Variants in ULK2 observed in about 807,000 individuals in gnomAD.
The protein encoded by ULK2 is unc-51 like autophagy activating kinase 2.
A neutral mutation model predicts 127.5 loss-of-function variants in ULK2; 76 were observed. The ratio of observed to expected loss-of-function variants is 0.60; its 90% CI spans 0.50 to 0.72. ULK2 has a LOEUF of 0.72. Ranked by LOEUF, ULK2 falls within the 30% of genes least tolerant of loss-of-function variation. The probability of loss-of-function intolerance (pLI) is 0.00; values close to 1 mark genes in which losing one functional copy is unlikely to be tolerated. For missense variants in ULK2, 1,144 were observed against 1,295.9 expected (o/e 0.88, Z 1.80); for synonymous variants, 452 against 461.9 (o/e 0.98, Z 0.28).
intron 22 of ULK2, among the ~76,000 whole-genome samples, chr17:19,782,737 G>A (rs886922536): frequency 4.6e-5 from 7 of 152,128 alleles, no homozygotes; most frequent in Admixed American, 1.3e-4. Context: ...CCAACATGGC[G>A]AAATCCCGTC....
At chr17:19,810,890 T>C (rs929289542) in intron 13 of ULK2, 8 of 152,866 alleles carry the variant, frequency 5.2e-5, no homozygotes, top group African/African-American at 1.9e-4. Context: ...AAACTCTAGT[T>C]CCGTAAAATG....
At chr17:19,814,438 A>ATT (rs1187090319) in intron 13 of ULK2, among the ~76,000 whole-genome samples, 3 of 23,334 alleles carry the variant, frequency 1.3e-4, no homozygotes, top group East Asian at 7.2e-4. Context: ...ATATATATAT[A>ATT]TTTTTTTTTT....
chr17:19,808,091 AG>A (rs2087552611), intron 14 of ULK2, among the ~76,000 whole-genome samples: 1 of 152,118 alleles, frequency 6.6e-6, no homozygotes, highest in Non-Finnish European at 1.5e-5. Flanking sequence ...GGGCAACAAG[AG>A]CGAAACTCCA....
chr17:19,781,777 C>T (rs2086923535), intron 23 of ULK2, 112 bp downstream of exon 23: 2 of 1,257,028 alleles, frequency 1.6e-6, no homozygotes, highest in Admixed American at 5.4e-5. Flanking sequence ...ATTGAGACTC[C>T]TAGCTTTTAA....
In ULK2 at chr17:19,866,914, C is replaced by T. The variant is rs181477493; in HGVS notation, c.90+414G>A. 2.0e-5 allele frequency among the ~76,000 whole-genome samples: 3 copies of T among 152,154 alleles called. No individual in the cohort carries two copies. In the East Asian group the frequency reaches 5.8e-4, roughly 29 times the overall value. On this transcript the variant is annotated intron_variant, in intron 1 of 26. Transcript: ENST00000395544. ...GCCTGAGGCTAATGGGACATCCGCCCATTTTCCGCTGGGTCTGTAATTATC... is the reference window on the plus strand; with the variant it reads ...GCCTGAGGCTAATGGGACATCCGCCTATTTTCCGCTGGGTCTGTAATTATC...
chr17:19,856,410 A>G (rs281329), intron 3 of ULK2, among the ~76,000 whole-genome samples: 16,015 of 147,726 alleles, frequency 0.11, 1,577 homozygotes, highest in East Asian at 0.4. Context: ...GTGAAACCCC[A>G]TCTCTACTAA....
At chr17:19,844,036 T>C (rs1416741266) in intron 7 of ULK2, among the ~76,000 whole-genome samples, 1 of 152,166 alleles carries the variant, frequency 6.6e-6, no homozygotes, top group African/African-American at 2.4e-5. Flanking sequence ...GGTGGGTACA[T>C]AGGTGTTTGC....
chr17:19,832,426 C>T (rs549162734), intron 10 of ULK2, among the ~76,000 whole-genome samples: 21 of 152,116 alleles, frequency 1.4e-4, no homozygotes, highest in African/African-American at 4.8e-4. Context: ...CACCACAACA[C>T]CAGCTAATTT....
At chr17:19,851,721 A>C (rs2042020078) in intron 3 of ULK2, among the ~76,000 whole-genome samples, 1 of 151,948 alleles carries the variant, frequency 6.6e-6, no homozygotes, top group African/African-American at 2.4e-5. Flanking sequence ...GGAAATAGAG[A>C]GGTATAAGAA....
In ULK2 at chr17:19,840,119, C is replaced by CAGAACG. The variant is rs1325650336; in HGVS notation, c.704+1369_704+1370insCGTTCT. 1.6e-4 allele frequency: 60 copies of CAGAACG among 377,750 alleles called. No individual in the cohort carries two copies. The East Asian group carries it at 4.6e-3, about 29-fold the overall frequency. 23.4% of individuals were successfully genotyped at this position (377,750 alleles called of 1,614,324 possible). A position where few individuals can be genotyped will look rare whatever the true frequency, so the allele number is the denominator to read the frequency against. The stretch of plus-strand genomic sequence containing the variant: ...TGGCAGGTGCAGTTGAGCTCTGGGT[C>CAGAACG]ACCAAGATGTCGTTCCCAAAGTATA... On this transcript the variant is annotated intron_variant, in intron 9 of 26. Transcript: ENST00000395544.
chr17:19,853,256 C>A lies in ULK2; in HGVS notation c.226-3482G>T, dbSNP rs138618862. On this transcript the variant is annotated intron_variant, in intron 3 of 26. Transcript: ENST00000395544. ...TTCAAGCGAGTCTCCTGCCTCAGCACCCCCGAGTAGCTAGGACCACAGGTG... is the reference window on the plus strand; with the variant it reads ...TTCAAGCGAGTCTCCTGCCTCAGCAACCCCGAGTAGCTAGGACCACAGGTG... 7.3e-3 allele frequency among the ~76,000 whole-genome samples: 1,108 copies of A among 150,786 alleles called. 4 individuals carry two copies. The highest frequency in any genetic ancestry group is 0.014 in the Middle Eastern group (4 of 292).
At chr17:19,793,256 C>T (rs1312402042) in intron 20 of ULK2, among the ~76,000 whole-genome samples, 2 of 152,020 alleles carry the variant, frequency 1.3e-5, no homozygotes, top group South Asian at 2.1e-4. Flanking sequence ...GAAACTGCCC[C>T]CATGATTCAA....
chr17:19,791,327 A>C (rs1567679377), intron 20 of ULK2, among the ~76,000 whole-genome samples: 1 of 152,206 alleles, frequency 6.6e-6, no homozygotes, highest in Non-Finnish European at 1.5e-5. Context: ...AGGCGGGCAG[A>C]TCACTTGAGG....
rs981484750 is a variant in ULK2 at position 19,801,706 on chromosome 17, G to T, written c.1441+71C>A. 3.6e-5 allele frequency: 57 copies of T among 1,595,618 alleles called. No individual in the cohort carries two copies. The African/African-American group carries it at 7.2e-4, about 20-fold the overall frequency. On this transcript the variant is annotated intron_variant, in intron 16 of 26. Transcript: ENST00000395544. The stretch of plus-strand genomic sequence containing the variant: ...GCCATCATGAGCCGAAGTTCCTAAA[G>T]AAAATGTGTCATGTCAGATTTATTA...
At position 19,814,411 on chromosome 17, in the gene ULK2, C is replaced by CATATAT. The variant is rs35552728; in HGVS notation, c.1096+2332_1096+2337dup. ...ACACAAGAATGTCTGTTATTATATA[C>CATATAT]ATATATATATATATATATATATATA... On this transcript the variant is annotated intron_variant, in intron 13 of 26. Coordinates refer to ENST00000395544, the MANE Select transcript of ULK2 (RefSeq NM_014683.4). Among the ~76,000 whole-genome samples, 20 of 36,530 alleles carry CATATAT rather than the reference C, an allele frequency of 5.5e-4. 1 individual carries two copies. The East Asian group carries it at 0.011, about 20-fold the overall frequency. The allele number at this position is 36,530 out of a possible 152,430, so 24.0% of individuals were successfully genotyped here. A position where few individuals can be genotyped will look rare whatever the true frequency, so the allele number is the denominator to read the frequency against.
chr17:19,856,541 C>CA (rs2042130694), intron 3 of ULK2, among the ~76,000 whole-genome samples: 1 of 151,544 alleles, frequency 6.6e-6, no homozygotes, highest in South Asian at 2.1e-4. Flanking sequence ...GAGATCGCGC[C>CA]ACTGCACTCT....
chr17:19,817,458 T>C (rs1306880335), intron 12 of ULK2, among the ~76,000 whole-genome samples: 1 of 152,216 alleles, frequency 6.6e-6, no homozygotes, highest in Non-Finnish European at 1.5e-5. Context: ...TATTTATAGA[T>C]TTGGAAAACC....
At position 19,781,103 on chromosome 17, in the gene ULK2, G is replaced by A. The variant is rs370639033; in HGVS notation, c.2641C>T (p.Arg881Trp). 8.1e-6 allele frequency: 13 copies of A among 1,613,238 alleles called. No homozygotes were observed. Among genetic ancestry groups the A allele is most frequent in the Middle Eastern group, 1.7e-4 (1 of 6,040 alleles). ...QISQLSKDWGRVEQLVLYMKA... is the reference protein window; with the variant it reads ...QISQLSKDWGWVEQLVLYMKA... ...ATGTACAACACCAGCTGCTCCACCC[G>A]CCTGCACCCAAAAGACAGTAGCAGA... The change falls in exon 24 of 27, where the codon CGG becomes TGG. Residue 881 changes from arginine (R) to tryptophan (W), a missense_variant and splice_region_variant. Arg to Trp is a moderately radical substitution (Grantham distance 101, BLOSUM62 -3). This residue lies in a region of ULK2 where 913 missense variants were observed against 970.5 expected (regional missense o/e 0.94). Coordinates refer to ENST00000395544, the MANE Select transcript of ULK2 (RefSeq NM_014683.4).
intron 26 of ULK2, 152 bp from the exon 27 acceptor site, chr17:19,776,559 CA>C: frequency 1.4e-6 from 1 of 735,202 alleles, no homozygotes; most frequent in Non-Finnish European, 2.2e-6. Context: ...CTTAGTGCTG[CA>C]AAGTGGTAAA....
Sources: gnomAD v4.1 joint callset for allele counts (sites outside exome capture counted in the v4.1 genomes callset) on GRCh38, gnomAD v4.1.1 for gene constraint, gnomAD v4.1.1 regional missense constraint, MANE v1.5 for transcripts, NCBI Gene and HGNC (gene_info 2026-07-23, HGNC 2026-07-21) for gene names.